Variants in EPHA6 observed in about 807,000 individuals in gnomAD.
EPHA6 encodes ephrin type-A receptor 6.
In EPHA6, 50 loss-of-function variants were observed where a neutral mutation model predicts 112.0. The observed-to-expected ratio is 0.45, with a 90% CI of 0.36 to 0.56. The LOEUF is 0.56. Ranked by LOEUF, EPHA6 falls within the 20% of genes least tolerant of loss-of-function variation. The probability of loss-of-function intolerance (pLI) is 0.00; values close to 1 mark genes in which losing one functional copy is unlikely to be tolerated. For missense variants in EPHA6, 1,280 were observed against 1,417.4 expected (o/e 0.90, Z 1.56); for synonymous variants, 529 against 490.7 (o/e 1.08, Z -1.03).
At chr3:97,641,766 C>T (rs1019298865) in intron 14 of EPHA6, among the ~76,000 whole-genome samples, 3 of 152,212 alleles carry the variant, frequency 2.0e-5, no homozygotes, top group African/African-American at 7.2e-5. Context: ...AGATTATATC[C>T]CACACCTGGC....
chr3:97,331,477 A>T (rs2082795315), intron 5 of EPHA6, among the ~76,000 whole-genome samples: 3 of 152,146 alleles, frequency 2.0e-5, no homozygotes, highest in Admixed American at 1.3e-4. Context: ...TTTTGAAAAG[A>T]TCAACAAAAT....
At chr3:97,179,191 C>T (rs957584686) in intron 3 of EPHA6, among the ~76,000 whole-genome samples, 2 of 152,010 alleles carry the variant, frequency 1.3e-5, no homozygotes, top group Non-Finnish European at 2.9e-5. Context: ...ATACCAATTA[C>T]ATTTTTCAGC....
chr3:97,200,603 C>T (rs2077555906), intron 3 of EPHA6, among the ~76,000 whole-genome samples: 1 of 152,102 alleles, frequency 6.6e-6, no homozygotes, highest in Non-Finnish European at 1.5e-5. Flanking sequence ...ACCTGTACCG[C>T]TTAGTTACAC....
rs557243075 is a variant in EPHA6 at position 97,591,811 on chromosome 3, G to A, written c.2387-801G>A. Among the ~76,000 whole-genome samples the A allele has an allele frequency of 5.3e-5, 8 of 152,124 alleles. No homozygotes were observed. In the East Asian group the frequency reaches 1.4e-3, roughly 26 times the overall value. ...CGTGATTTATTTTTATTCTAGTGTG[G>A]GAAGAGTTTGTCCTGGTAGTCTACC... On this transcript the variant is annotated intron_variant, in intron 11 of 17. Transcript: ENST00000389672.
intron 8 of EPHA6, among the ~76,000 whole-genome samples, chr3:97,477,449 AGGGG>A (rs2091407532): frequency 1.3e-5 from 1 of 77,304 alleles, no homozygotes; most frequent in Admixed American, 2.0e-4. Flanking sequence ...AGGGAAGGGA[AGGGG>A]AGGGGAGGGG....
At chr3:97,405,318 A>G (rs748112213) in intron 6 of EPHA6, 44 bp downstream of exon 6, 7 of 1,475,880 alleles carry the variant, frequency 4.7e-6, no homozygotes, top group African/African-American at 4.2e-5. Flanking sequence ...ATATATATGC[A>G]TATATATGTA....
chr3:96,837,223 C>T (rs892774417), intron 1 of EPHA6, among the ~76,000 whole-genome samples: 1 of 152,038 alleles, frequency 6.6e-6, no homozygotes, highest in African/African-American at 2.4e-5. Context: ...TTAGATGTCA[C>T]GAGCACAGAG....
chr3:97,544,701 G>C (rs12637293), intron 11 of EPHA6, among the ~76,000 whole-genome samples: 35,012 of 152,028 alleles, frequency 0.23, 5,294 homozygotes, highest in Non-Finnish European at 0.33. Context: ...GTAGAATTCG[G>C]CTGTGAATCC....
intron 14 of EPHA6, among the ~76,000 whole-genome samples, chr3:97,703,850 A>G (rs1022802688): frequency 2.0e-5 from 3 of 152,132 alleles, no homozygotes; most frequent in African/African-American, 7.2e-5. Flanking sequence ...GTTCGTATAG[A>G]ATTTCATAAC....
At position 97,753,618 on chromosome 3, in the gene EPHA6, T is replaced by C. The variant is rs1326482133; in HGVS notation, c.*4917T>C. The stretch of plus-strand genomic sequence containing the variant: ...AAAGGTGCCTCCTGTTAGAAAACAT[T>C]AGCTTTTTTTCAAGAGCAATTCTGG... On this transcript the variant is annotated 3_prime_UTR_variant, in exon 18 of 18. Transcript: ENST00000389672. 6.6e-6 allele frequency among the ~76,000 whole-genome samples: 1 copy of C among 152,166 alleles called. No homozygotes were observed. Among genetic ancestry groups the C allele is most frequent in the Admixed American group, 6.6e-5 (1 of 15,266 alleles).
intron 3 of EPHA6, among the ~76,000 whole-genome samples, chr3:97,111,802 A>G (rs968678030): frequency 2.6e-5 from 4 of 152,070 alleles, no homozygotes; most frequent in African/African-American, 9.7e-5. Flanking sequence ...TTCCACATTC[A>G]TTTGACGGCA....
At chr3:97,029,757 G>C (rs2079346402) in intron 3 of EPHA6, among the ~76,000 whole-genome samples, 1 of 151,972 alleles carries the variant, frequency 6.6e-6, no homozygotes, top group Non-Finnish European at 1.5e-5. Context: ...TAAAGAACAA[G>C]AACAATAGTT....
chr3:97,711,688 T>G (rs1389356111), intron 14 of EPHA6, among the ~76,000 whole-genome samples: 1 of 152,148 alleles, frequency 6.6e-6, no homozygotes, highest in Non-Finnish European at 1.5e-5. Flanking sequence ...CACTCTTTTG[T>G]TCTATCTGGG....
intron 3 of EPHA6, among the ~76,000 whole-genome samples, chr3:97,200,783 C>A (rs997071514): frequency 6.6e-6 from 1 of 152,004 alleles, no homozygotes; most frequent in East Asian, 1.9e-4. Flanking sequence ...GTCTTCATTC[C>A]GGGAGCCTGC....
intron 2 of EPHA6, among the ~76,000 whole-genome samples, chr3:96,984,065 T>A (rs1179164249): frequency 6.6e-6 from 1 of 152,226 alleles, no homozygotes; most frequent in African/African-American, 2.4e-5. Context: ...TCAACGTCAT[T>A]CTCCGTCCAG....
chr3:97,338,026 G>T (rs544936702), intron 5 of EPHA6, among the ~76,000 whole-genome samples: 16 of 152,022 alleles, frequency 1.1e-4, no homozygotes, highest in Admixed American at 2.0e-4. Flanking sequence ...TATGAGTTTT[G>T]ATATCGTTGG....
intron 14 of EPHA6, among the ~76,000 whole-genome samples, chr3:97,672,710 C>T (rs1369634573): frequency 6.6e-6 from 1 of 151,980 alleles, no homozygotes; most frequent in African/African-American, 2.4e-5. Context: ...AGGAAATAAT[C>T]CCTTTGAACA....
chr3:96,957,933 A>C (rs1480480181), intron 2 of EPHA6, among the ~76,000 whole-genome samples: 1 of 152,176 alleles, frequency 6.6e-6, no homozygotes, highest in African/African-American at 2.4e-5. Flanking sequence ...GACGTAGAGA[A>C]AATGTGGTAA....
chr3:96,942,032 G>A (rs996436891), intron 2 of EPHA6, among the ~76,000 whole-genome samples: 9 of 152,316 alleles, frequency 5.9e-5, no homozygotes, highest in Non-Finnish European at 8.8e-5. Flanking sequence ...CTACTGGGGG[G>A]TGCCTCCCAG....
Sources: gnomAD v4.1 joint callset for allele counts (sites outside exome capture counted in the v4.1 genomes callset) on GRCh38, gnomAD v4.1.1 for gene constraint, MANE v1.5 for transcripts, NCBI Gene and HGNC (gene_info 2026-07-23, HGNC 2026-07-21) for gene names.